PDE12: variants seen among roughly 807,000 people sequenced by gnomAD.
PDE12 encodes phosphodiesterase 12.
A neutral mutation model predicts 45.4 loss-of-function variants in PDE12; 26 were observed. The ratio of observed to expected loss-of-function variants is 0.57; its 90% confidence interval spans 0.42 to 0.79. The LOEUF (loss-of-function observed/expected upper bound fraction) is 0.79, where lower values mean the gene tolerates loss of function less well. Ranked by LOEUF, PDE12 falls within the 30% of genes least tolerant of loss-of-function variation. The pLI is 0.00. For missense variants in PDE12, 668 were observed against 790.0 expected (o/e 0.85, Z 1.85); for synonymous variants, 283 against 323.9 (o/e 0.87, Z 1.36).
At chr3:57,592,443 G>A in the PDE12 span, among the ~76,000 whole-genome samples, 1 of 152,118 alleles carries the variant, frequency 6.6e-6, no homozygotes. Flanking sequence ...ACCTGAGATT[G>A]CACCACTGTA....
chr3:57,635,337 C>T, the PDE12 span, among the ~76,000 whole-genome samples: 3 of 152,102 alleles, frequency 2.0e-5, no homozygotes, highest in Non-Finnish European at 4.4e-5. Flanking sequence ...GGACAGGACT[C>T]CTGAGCAGGC....
the PDE12 span, among the ~76,000 whole-genome samples, chr3:57,577,947 T>G: frequency 6.6e-6 from 1 of 151,810 alleles, no homozygotes; most frequent in African/African-American, 2.4e-5. Flanking sequence ...CCCAGCTACT[T>G]GGGAGATGAG....
chr3:57,582,958 T>C, the PDE12 span, among the ~76,000 whole-genome samples: 1 of 152,170 alleles, frequency 6.6e-6, no homozygotes, highest in Non-Finnish European at 1.5e-5. Flanking sequence ...CCAGGGGATA[T>C]TTTGCAGGTG....
At chr3:57,650,837 T>C in the PDE12 span, among the ~76,000 whole-genome samples, 5 of 147,808 alleles carry the variant, frequency 3.4e-5, no homozygotes, top group South Asian at 1.1e-3. Context: ...CAGACTGGAG[T>C]GCAATGGCGC....
At chr3:57,643,566 G>A in the PDE12 span, among the ~76,000 whole-genome samples, 12 of 152,086 alleles carry the variant, frequency 7.9e-5, no homozygotes, top group East Asian at 3.8e-4. Context: ...GGTGGCTCAC[G>A]TCTGTAATCC....
chr3:57,582,066 A>C, the PDE12 span, among the ~76,000 whole-genome samples: 12 of 152,200 alleles, frequency 7.9e-5, no homozygotes, highest in Admixed American at 7.2e-4. Context: ...TACAATGCAA[A>C]TATTCCAAAA....
the PDE12 span, among the ~76,000 whole-genome samples, chr3:57,616,373 CA>C: frequency 1.5e-5 from 2 of 134,758 alleles, no homozygotes; most frequent in African/African-American, 5.9e-5. Context: ...GAGGAGGAGG[CA>C]GGGGGGAGGA....
At chr3:57,557,780 G>C in intron 1 of PDE12, 93 bp downstream of exon 1, 4 of 1,119,592 alleles carry the variant, frequency 3.6e-6, no homozygotes, top group Non-Finnish European at 5.2e-6. Flanking sequence ...TGCGATGAAA[G>C]TATCCAGATA....
the PDE12 span, among the ~76,000 whole-genome samples, chr3:57,613,296 AC>A: frequency 1.6e-5 from 2 of 128,586 alleles, no homozygotes; most frequent in African/African-American, 6.0e-5. Context: ...AAAAAAAACA[AC>A]TTTTTTTTTT....
chr3:57,575,416 A>T, the PDE12 span: 3 of 927,994 alleles, frequency 3.2e-6, no homozygotes, highest in Non-Finnish European at 4.3e-6. Flanking sequence ...TTATTACCAT[A>T]TTTTTAAATA....
At chr3:57,646,522 C>T in the PDE12 span, 1 of 1,464,994 alleles carries the variant, frequency 6.8e-7, no homozygotes, top group Non-Finnish European at 9.1e-7. Context: ...CTAAAAACTC[C>T]ACATTGATAT....
chr3:57,628,068 A>C, the PDE12 span: 1 of 1,202,134 alleles, frequency 8.3e-7, no homozygotes, highest in Non-Finnish European at 1.1e-6. Flanking sequence ...GTCTGTTTAT[A>C]CAATACAGTC....
At chr3:57,578,546 CT>C in the PDE12 span, among the ~76,000 whole-genome samples, 1 of 152,046 alleles carries the variant, frequency 6.6e-6, no homozygotes, top group Non-Finnish European at 1.5e-5. Flanking sequence ...GTAGCACAAT[CT>C]TGGCTCACTG....
chr3:57,644,230 C>T, the PDE12 span, among the ~76,000 whole-genome samples: 16 of 151,528 alleles, frequency 1.1e-4, no homozygotes, highest in African/African-American at 3.9e-4. Context: ...TTAAGGGATT[C>T]GTAGAGAAAA....
chr3:57,588,755 G>C, the PDE12 span, among the ~76,000 whole-genome samples: 1 of 140,126 alleles, frequency 7.1e-6, no homozygotes, highest in Non-Finnish European at 1.5e-5. Flanking sequence ...TCAGGAGTTT[G>C]TGACCAGCCT....
At chr3:57,623,849 C>A in the PDE12 span, among the ~76,000 whole-genome samples, 1 of 152,158 alleles carries the variant, frequency 6.6e-6, no homozygotes, top group African/African-American at 2.4e-5. Context: ...GTCCGGCTTT[C>A]TAACAGTTAA....
chr3:57,599,197 T>C, the PDE12 span, among the ~76,000 whole-genome samples: 5 of 152,174 alleles, frequency 3.3e-5, no homozygotes, highest in Non-Finnish European at 2.9e-5. Flanking sequence ...GGAGGGAGCT[T>C]CCAGGGCATA....
the PDE12 span, among the ~76,000 whole-genome samples, chr3:57,608,766 T>TA: frequency 1.3e-5 from 2 of 152,120 alleles, no homozygotes; most frequent in African/African-American, 4.8e-5. Flanking sequence ...GAAAGAGACT[T>TA]AGACTCCCAC....
At chr3:57,628,857 G>C in the PDE12 span, 1 of 1,612,858 alleles carries the variant, frequency 6.2e-7, no homozygotes. Flanking sequence ...TTCTACTTCT[G>C]TGTGTTTCTG....
Sources: gnomAD v4.1 joint callset for allele counts (sites outside exome capture counted in the v4.1 genomes callset) on GRCh38, gnomAD v4.1.1 for gene constraint, MANE v1.5 for transcripts, NCBI Gene and HGNC (gene_info 2026-07-23, HGNC 2026-07-21) for gene names.